GPD2: variants seen among roughly 807,000 people sequenced by gnomAD.
GPD2 encodes the protein glycerol-3-phosphate dehydrogenase 2.
Under a neutral mutation model 82.4 loss-of-function variants are expected in GPD2, and 54 were observed. The ratio of observed to expected loss-of-function variants is 0.66; its 90% CI spans 0.53 to 0.82. GPD2 has a LOEUF of 0.82. GPD2 is among the 40% of genes least tolerant of loss of function. The probability of loss-of-function intolerance (pLI) is 0.00; values close to 1 mark genes in which losing one functional copy is unlikely to be tolerated. For missense variants in GPD2, 748 were observed against 896.2 expected, an observed-to-expected ratio of 0.83 and a Z score of 2.11; for synonymous variants, 288 against 306.1, an observed-to-expected ratio of 0.94 and a Z score of 0.62.
intron 9 of GPD2, among the ~76,000 whole-genome samples, chr2:156,566,029 C>G (rs757024547): frequency 1.3e-5 from 2 of 152,042 alleles, no homozygotes; most frequent in Non-Finnish European, 2.9e-5. Context: ...CAGCCCTGCC[C>G]TCTGCTCACA....
At chr2:156,514,696 A>G (rs749207655) in intron 6 of GPD2, among the ~76,000 whole-genome samples, 7 of 152,152 alleles carry the variant, frequency 4.6e-5, no homozygotes, top group Non-Finnish European at 8.8e-5. Flanking sequence ...TATTAGAAAA[A>G]TGTTAAGGGT....
At chr2:156,548,514 G>A (rs927498681) in intron 6 of GPD2, among the ~76,000 whole-genome samples, 2 of 152,166 alleles carry the variant, frequency 1.3e-5, no homozygotes, top group Non-Finnish European at 2.9e-5. Flanking sequence ...GTGGGGAGGG[G>A]CAGCAGAATC....
chr2:156,483,125 A>C (rs972869358), intron 2 of GPD2, among the ~76,000 whole-genome samples: 4 of 152,098 alleles, frequency 2.6e-5, no homozygotes, highest in African/African-American at 9.7e-5. Context: ...AAAAAACAAA[A>C]AAAAAACAAA....
At chr2:156,472,446 G>A (rs951108907) in intron 1 of GPD2, among the ~76,000 whole-genome samples, 2 of 151,978 alleles carry the variant, frequency 1.3e-5, no homozygotes, top group Non-Finnish European at 2.9e-5. Context: ...TCAGGCTCCC[G>A]AGTAGCTGGG....
chr2:156,575,402 C>CTTTTTTTTTT (rs35297244), intron 13 of GPD2, among the ~76,000 whole-genome samples: 2 of 91,204 alleles, frequency 2.2e-5, no homozygotes, highest in African/African-American at 4.1e-5. Context: ...CTTTTCTTTT[C>CTTTTTTTTTT]TTTTTTTTTT....
intron 16 of GPD2, 91 bp downstream of exon 16, chr2:156,579,879 C>T: frequency 1.4e-6 from 1 of 740,716 alleles, no homozygotes. Flanking sequence ...ATATTTAAGT[C>T]CACACAATTG....
the GPD2 span, among the ~76,000 whole-genome samples, chr2:156,428,460 A>G: frequency 1.3e-5 from 2 of 152,348 alleles, no homozygotes; most frequent in African/African-American, 4.8e-5. Flanking sequence ...GGCTTGTACC[A>G]CATTTGACTA....
intron 1 of GPD2, among the ~76,000 whole-genome samples, chr2:156,453,703 C>T (rs555599384): frequency 6.6e-6 from 1 of 152,244 alleles, no homozygotes; most frequent in Admixed American, 6.5e-5. Flanking sequence ...ATGGCAAAAC[C>T]ATGGCTCTAC....
At chr2:156,517,371 A>T (rs1174617874) in intron 6 of GPD2, among the ~76,000 whole-genome samples, 2 of 152,254 alleles carry the variant, frequency 1.3e-5, no homozygotes, top group Non-Finnish European at 2.9e-5. Context: ...AAATGGAGGA[A>T]TAACTGTCAT....
chr2:156,484,476 A>G (rs1313779775), intron 2 of GPD2, among the ~76,000 whole-genome samples: 2 of 152,146 alleles, frequency 1.3e-5, no homozygotes, highest in African/African-American at 4.8e-5. Flanking sequence ...ATAAAAACGA[A>G]TGTTCCTAAA....
At chr2:156,427,917 T>C in the GPD2 span, among the ~76,000 whole-genome samples, 1 of 152,184 alleles carries the variant, frequency 6.6e-6, no homozygotes, top group Non-Finnish European at 1.5e-5. Flanking sequence ...TCTGCATTAC[T>C]CCAATCTCTG....
chr2:156,464,924 C>T (rs979999709), intron 1 of GPD2, among the ~76,000 whole-genome samples: 1 of 151,828 alleles, frequency 6.6e-6, no homozygotes, highest in Non-Finnish European at 1.5e-5. Flanking sequence ...GATCTTGGCT[C>T]ACTAAAGCCT....
chr2:156,517,205 G>A (rs753272157), intron 6 of GPD2, among the ~76,000 whole-genome samples: 11 of 151,898 alleles, frequency 7.2e-5, no homozygotes, highest in Admixed American at 3.9e-4. Flanking sequence ...TGATCCTCCC[G>A]CCTTGGCCTC....
At chr2:156,562,981 G>T (rs182320324) in intron 9 of GPD2, among the ~76,000 whole-genome samples, 18 of 152,208 alleles carry the variant, frequency 1.2e-4, no homozygotes, top group Middle Eastern at 3.4e-3. Flanking sequence ...CTAGTAAGTG[G>T]TCTTTAATGA....
At chr2:156,408,185 G>A in the GPD2 span, among the ~76,000 whole-genome samples, 3 of 151,788 alleles carry the variant, frequency 2.0e-5, no homozygotes, top group Non-Finnish European at 4.4e-5. Context: ...GAACTCCTGG[G>A]CTCCAGTAAT....
rs748309922 is a variant in GPD2, at chr2:156,496,039, A to G, written c.103-5A>G. 6.2e-7 allele frequency: 1 copy of G among 1,609,376 alleles called. No homozygotes were observed. Among genetic ancestry groups the G allele is most frequent in the Non-Finnish European group, 8.5e-7 (1 of 1,176,408 alleles). ...ACAACTGAAAGTGATCTGCTTTTACATCAGATGAACCTGGCCTATGTTAAA... is the reference window on the plus strand; with the variant it reads ...ACAACTGAAAGTGATCTGCTTTTACGTCAGATGAACCTGGCCTATGTTAAA... On this transcript the variant is annotated splice_region_variant and splice_polypyrimidine_tract_variant and intron_variant, in intron 2 of 16. Coordinates refer to ENST00000438166, the MANE Select transcript of GPD2 (RefSeq NM_000408.5).
chr2:156,518,432 A>T (rs1050397963), intron 6 of GPD2, among the ~76,000 whole-genome samples: 1 of 152,240 alleles, frequency 6.6e-6, no homozygotes, highest in African/African-American at 2.4e-5. Context: ...AAATTGTTAC[A>T]GGTACAGCAG....
At chr2:156,425,251 A>C in the GPD2 span, among the ~76,000 whole-genome samples, 3 of 152,088 alleles carry the variant, frequency 2.0e-5, no homozygotes, top group Admixed American at 6.5e-5. Context: ...GGTGCATACC[A>C]CCAGAACTGG....
chr2:156,509,784 T>TTTTA (rs1553471067), intron 3 of GPD2, among the ~76,000 whole-genome samples: 1 of 146,788 alleles, frequency 6.8e-6, no homozygotes, highest in African/African-American at 2.6e-5. Context: ...TTTTTTTTTT[T>TTTTA]ATTTCCTGAG....
Sources: allele counts gnomAD v4.1 joint callset (sites outside exome capture counted in the v4.1 genomes callset), GRCh38; gene constraint gnomAD v4.1.1; transcripts MANE v1.5; gene names NCBI Gene and HGNC (gene_info 2026-07-23, HGNC 2026-07-21).